Variants in LAMB4 observed in about 807,000 individuals in gnomAD.
LAMB4 encodes laminin subunit beta 4.
Under a neutral mutation model 199.2 loss-of-function variants are expected in LAMB4, and 196 were observed. The ratio of observed to expected loss-of-function variants is 0.98; its 90% CI spans 0.88 to 1.11. The LOEUF is 1.11. LAMB4 is among the 50% of genes least tolerant of loss of function. LAMB4 has a pLI of 0.00. For synonymous variants in LAMB4, 744 were observed against 770.6 expected, an observed-to-expected ratio of 0.97 and a Z score of 0.57; for missense variants, 2,080 against 2,171.2, an observed-to-expected ratio of 0.96 and a Z score of 0.83.
chr7:108,052,345 G>T (rs1218258883), intron 25 of LAMB4, 88 bp from the exon 26 acceptor site: 4 of 1,017,466 alleles, frequency 3.9e-6, no homozygotes, highest in African/African-American at 1.6e-5. Context: ...TGCCCTCATT[G>T]TTAGGAATTC....
In LAMB4 at chr7:108,068,137, G is replaced by A; in HGVS notation, c.2325C>T (p.Gly775=). Residue 775 remains glycine, a synonymous_variant, in exon 19 of 34, where the codon GGC becomes GGT. Transcript: ENST00000388781. ...GAVACKCHPQ[G]SVGSSCSRLG... ...GTCGGCTGCAGCTGGATCCGACTGA[G>A]CCCTGGGGGTGACACTTGCAGGCTG... 1 of 1,614,146 alleles carries A rather than the reference G, an allele frequency of 6.2e-7. No individual in the cohort carries two copies. The highest frequency in any genetic ancestry group is 8.5e-7 in the Non-Finnish European group (1 of 1,180,024).
In LAMB4 at chr7:108,103,059, G is replaced by T; in HGVS notation, c.1165C>A (p.Pro389Thr). 6.2e-7 allele frequency: 1 copy of T among 1,600,936 alleles called. No homozygotes were observed. Among genetic ancestry groups the T allele is most frequent in the African/African-American group, 1.3e-5 (1 of 74,798 alleles). The change falls in exon 10 of 34, where the codon CCC (proline) becomes ACC (threonine). Residue 389 changes from proline (P) to threonine (T), a missense_variant. Pro to Thr is a conservative substitution (Grantham distance 38, BLOSUM62 -1). Coordinates refer to ENST00000388781, the MANE Select transcript of LAMB4 (RefSeq NM_007356.3). The part of the protein sequence containing the change: ...YRDPLKTISD[P>T]YACIPCECDP... ...GGGGACTCACGAATGCACGCGTAGG[G>T]ATCTGAGATGGTCTTGAGCGGGTCC...
chr7:108,092,260 T>C, intron 13 of LAMB4, 77 bp downstream of exon 13: 1 of 1,099,708 alleles, frequency 9.1e-7, no homozygotes, highest in Non-Finnish European at 1.4e-6. Flanking sequence ...TTTTCACCTA[T>C]GACTATGAGC....
intron 11 of LAMB4, 28 bp downstream of exon 11, chr7:108,098,375 C>T: frequency 2.6e-6 from 4 of 1,567,288 alleles, no homozygotes; most frequent in Non-Finnish European, 2.6e-6. Flanking sequence ...TTGATGGACA[C>T]TCCCCCGACC....
Position 108,047,946 on chromosome 7 carries a change from G to C in LAMB4, c.4288C>G (p.Arg1430Gly). 1 of 1,614,034 alleles carries C rather than the reference G, an allele frequency of 6.2e-7. No individual in the cohort carries two copies. ...CCACGAACCTGTTTGTCCAAATTAC[G>C]AATAATGGATTTTGCTTCCTGGGCT... ...QKAQEAKSIIRNLDKQVRGLK... is the reference protein window; with the variant it reads ...QKAQEAKSIIGNLDKQVRGLK... Residue 1430 changes from arginine (R) to glycine (G), a missense_variant, in exon 28 of 34, where the codon CGT becomes GGT. Physicochemically the swap from Arg to Gly is moderately radical, Grantham distance 125 (BLOSUM62 -2). Coordinates refer to ENST00000388781, the MANE Select transcript of LAMB4 (RefSeq NM_007356.3).
At chr7:108,093,613 C>T (rs978769158) in intron 12 of LAMB4, among the ~76,000 whole-genome samples, 3 of 152,052 alleles carry the variant, frequency 2.0e-5, no homozygotes, top group Non-Finnish European at 2.9e-5. Context: ...ACATCTTGAC[C>T]GTTGTTCAAA....
Position 108,057,936 on chromosome 7 carries a change from AAC to A in LAMB4, c.3283-10_3283-9del. 6.2e-7 allele frequency: 1 copy of A among 1,600,190 alleles called. No individual in the cohort carries two copies. The highest frequency in any genetic ancestry group is 1.1e-5 in the South Asian group (1 of 90,774). ...CGGACACTGGCCTGTAAGCTGTGAG[AAC>A]AGTCATGGGTGAGGAATTGACAAGT... On this transcript the variant is annotated splice_polypyrimidine_tract_variant and intron_variant, in intron 23 of 33. Transcript: ENST00000388781.
chr7:108,018,756 A>C (rs929272682), downstream of LAMB4, among the ~76,000 whole-genome samples: 2 of 152,288 alleles, frequency 1.3e-5, no homozygotes, highest in Non-Finnish European at 2.9e-5. Context: ...TTCAATGTTC[A>C]GTTGTCACCC....
intron 6 of LAMB4, 31 bp from the exon 7 acceptor site, chr7:108,106,603 A>G (rs756643179): frequency 2.2e-5 from 26 of 1,195,592 alleles, no homozygotes; most frequent in Non-Finnish European, 3.0e-5. Context: ...CATTTATAGT[A>G]TATTACCTGA....
In LAMB4 at chr7:108,104,615, T is replaced by C; in HGVS notation, c.875A>G (p.His292Arg). 6.2e-7 allele frequency: 1 copy of C among 1,613,982 alleles called. No homozygotes were observed. Among genetic ancestry groups the C allele is most frequent in the Non-Finnish European group, 8.5e-7 (1 of 1,179,944 alleles). Reference sequence around the variant, plus strand: ...ATTGTGCTGACACACACACTGACCGTGAACCTGCATTGTGCAATAAATAGA... The same window carrying C: ...ATTGTGCTGACACACACACTGACCGCGAACCTGCATTGTGCAATAAATAGA... The part of the protein sequence containing the change: ...GDVFSPPGMV[H>R]GQCVCQHNTD... The change falls in exon 9 of 34, where the codon CAC (histidine) becomes CGC (arginine). Residue 292 changes from histidine to arginine, a missense_variant. Physicochemically the swap from His to Arg is conservative, Grantham distance 29. Transcript: ENST00000388781.
At position 108,023,798 on chromosome 7, in the gene LAMB4, G is replaced by A; in HGVS notation, c.*241C>T. 3.3e-6 allele frequency: 1 copy of A among 302,496 alleles called. No individual in the cohort carries two copies. The allele number at this position is 302,496 out of a possible 1,614,324, so 18.7% of individuals were successfully genotyped here. On this transcript the variant is annotated 3_prime_UTR_variant, in exon 34 of 34. Transcript: ENST00000388781. The stretch of plus-strand genomic sequence containing the variant: ...TTTAAGTTAGGAAAGAGAAAGGAAG[G>A]TAAGAGGAAAAGTTTCTGAAACCAG...
At chr7:108,039,207 C>CGA (rs2035333815) in intron 29 of LAMB4, among the ~76,000 whole-genome samples, 1 of 152,094 alleles carries the variant, frequency 6.6e-6, no homozygotes, top group Admixed American at 6.6e-5. Context: ...TGGCACAAGT[C>CGA]CCTGTGTCAG....
At chr7:108,081,607 A>G (rs1362566088) in intron 14 of LAMB4, among the ~76,000 whole-genome samples, 1 of 152,182 alleles carries the variant, frequency 6.6e-6, no homozygotes, top group Non-Finnish European at 1.5e-5. Context: ...CTAAAAGTAG[A>G]TCCTAAGATG....
intron 24 of LAMB4, among the ~76,000 whole-genome samples, chr7:108,056,486 G>A (rs532355088): frequency 1.3e-5 from 2 of 152,064 alleles, no homozygotes; most frequent in African/African-American, 2.4e-5. Flanking sequence ...CAAAAAGGAG[G>A]GGAAATTAAA....
intron 17 of LAMB4, among the ~76,000 whole-genome samples, chr7:108,073,607 A>C (rs17154911): frequency 0.14 from 21,572 of 152,258 alleles, 2,357 homozygotes; most frequent in African/African-American, 0.31. Context: ...GTCCCCTGGT[A>C]TCAGATGCAA....
intron 12 of LAMB4, among the ~76,000 whole-genome samples, chr7:108,094,514 A>C (rs929572045): frequency 1.8e-4 from 27 of 151,220 alleles, no homozygotes; most frequent in African/African-American, 6.3e-4. Context: ...TTTCTTATTC[A>C]TCAGCTACAT....
Position 108,052,398 on chromosome 7 carries a change from G to C in LAMB4, c.3756-141C>G, listed in dbSNP as rs777885070. Reference sequence around the variant, plus strand: ...CTTCTACTCGAGTTTTTCATTTGACGGTTTATAATTGTGTTTATGTCTCAT... The same window carrying C: ...CTTCTACTCGAGTTTTTCATTTGACCGTTTATAATTGTGTTTATGTCTCAT... On this transcript the variant is annotated intron_variant, in intron 25 of 33. Coordinates refer to ENST00000388781, the MANE Select transcript of LAMB4 (RefSeq NM_007356.3). 8.6e-6 allele frequency: 5 copies of C among 584,318 alleles called. No individual in the cohort carries two copies. In the African/African-American group the frequency reaches 9.4e-5, roughly 11 times the overall value. The allele number at this position is 584,318 out of a possible 1,614,324, so 36.2% of individuals were successfully genotyped here.
At position 108,054,303 on chromosome 7, in the gene LAMB4, T is replaced by G. The variant is rs78886554; in HGVS notation, c.3755+1329A>C. ...TGCCAGCTTGACCCTGGCTGGCCAT[T>G]TGTCCTCCCTGGGCCCTGTCACTGC... On this transcript the variant is annotated intron_variant, in intron 25 of 33. Transcript: ENST00000388781. 6.7e-3 allele frequency among the ~76,000 whole-genome samples: 1,025 copies of G among 152,278 alleles called. 12 individuals are homozygous for G. Among genetic ancestry groups the G allele is most frequent in the African/African-American group, 0.023 (968 of 41,570 alleles).
chr7:108,032,830 T>A (rs571965562), intron 31 of LAMB4, among the ~76,000 whole-genome samples: 133 of 152,250 alleles, frequency 8.7e-4, no homozygotes, highest in Non-Finnish European at 9.7e-4. Flanking sequence ...TTCTGTCTTA[T>A]ATGCATGGTG....
Sources: gnomAD v4.1 joint callset for allele counts (sites outside exome capture counted in the v4.1 genomes callset) on GRCh38, gnomAD v4.1.1 for gene constraint, MANE v1.5 for transcripts, NCBI Gene and HGNC (gene_info 2026-07-23, HGNC 2026-07-21) for gene names.